Variants in NBPF4 observed in about 807,000 individuals in gnomAD.
The protein encoded by NBPF4 is NBPF family member NBPF4.
In NBPF4, 11 loss-of-function variants were observed where a neutral mutation model predicts 21.1. That is an observed-to-expected ratio of 0.52 (90% confidence interval 0.33 to 0.86). The LOEUF is 0.86. Ranked by LOEUF, NBPF4 falls within the 40% of genes least tolerant of loss-of-function variation. The pLI is 0.03. For synonymous variants in NBPF4, 47 were observed against 106.4 expected (o/e 0.44, Z 3.43); for missense variants, 88 against 265.3 (o/e 0.33, Z 4.64).
At chr1:108,257,970 G>A in the NBPF4 span, among the ~76,000 whole-genome samples, 3 of 139,470 alleles carry the variant, frequency 2.2e-5, 1 homozygote, top group African/African-American at 5.8e-5. Context: ...GGCTGGTCTC[G>A]AACTCCTGAG....
the NBPF4 span, among the ~76,000 whole-genome samples, chr1:108,266,166 A>G: frequency 5.5e-5 from 8 of 144,456 alleles, no homozygotes; most frequent in Non-Finnish European, 8.9e-5. Context: ...AAAAAAAAAA[A>G]GGCAATAAAA....
At chr1:108,256,467 T>C in the NBPF4 span, among the ~76,000 whole-genome samples, 2 of 132,658 alleles carry the variant, frequency 1.5e-5, no homozygotes, top group Non-Finnish European at 3.2e-5. Flanking sequence ...TGTGGGTCTC[T>C]TCCTTCCTTC....
At chr1:108,245,615 ATTAT>A (rs1649825836), upstream of NBPF4, among the ~76,000 whole-genome samples, 1 of 100,774 alleles carries the variant, frequency 9.9e-6, no homozygotes, top group East Asian at 3.0e-4. Flanking sequence ...AATAAAAATA[ATTAT>A]TTATTGACCA....
rs1163085276 is a variant in NBPF4 at position 108,223,628 on chromosome 1, TTG to T, written c.*75_*76del. 16 of 1,288,806 alleles carry T rather than the reference TTG, an allele frequency of 1.2e-5. No homozygotes were observed. Among genetic ancestry groups the T allele is most frequent in the Non-Finnish European group, 1.8e-5 (16 of 902,270 alleles). 79.8% of individuals were successfully genotyped at this position (1,288,806 alleles called of 1,614,324 possible). ...TCCTCAGTGAAGGACCCCTGCAGTA[TTG>T]TGTTTGGACTTAAACTTGCTTTGCT... On this transcript the variant is annotated 3_prime_UTR_variant, in exon 15 of 15. Coordinates refer to ENST00000415641, the MANE Select transcript of NBPF4 (RefSeq NM_001143989.3).
chr1:108,246,229 C>A (rs1415600297), upstream of NBPF4, among the ~76,000 whole-genome samples: 1 of 125,082 alleles, frequency 8.0e-6, no homozygotes, highest in Non-Finnish European at 1.7e-5. Context: ...TTGATCCAGT[C>A]CTCTTCCTTC....
the NBPF4 span, among the ~76,000 whole-genome samples, chr1:108,263,220 AAC>A: frequency 1.5e-5 from 1 of 68,216 alleles, no homozygotes; most frequent in Non-Finnish European, 2.8e-5. Flanking sequence ...GAAGCTGAAA[AAC>A]ACAGCACAAG....
Position 108,229,106 on chromosome 1 carries a change from G to A in NBPF4, c.1474C>T (p.His492Tyr), listed in dbSNP as rs1283148366. 4 of 1,550,974 alleles carry A rather than the reference G, an allele frequency of 2.6e-6. No individual in the cohort carries two copies. The highest frequency in any genetic ancestry group is 2.7e-5 in the African/African-American group (2 of 73,004). Residue 492 changes from histidine to tyrosine, a missense_variant, in exon 13 of 15, where the codon CAC becomes TAC. Physicochemically the swap from His to Tyr is moderately conservative, Grantham distance 83. Transcript: ENST00000415641. ...PQGTWSGDLS[H>Y]HQSEVQVSQA... ...GAAACTTGCACCTCTGACTGGTGGT[G>A]GCTCAAGTCTCCACTCCAAGTCCCT...
chr1:108,245,017 ATCAAGCTCATGG>A, upstream of NBPF4, among the ~76,000 whole-genome samples: 1 of 79,650 alleles, frequency 1.3e-5, no homozygotes, highest in Non-Finnish European at 2.5e-5. Context: ...ACCTGGCAAG[ATCAAGCTCATGG>A]TCACGGGTGG....
At chr1:108,257,506 T>G in the NBPF4 span, among the ~76,000 whole-genome samples, 2 of 150,330 alleles carry the variant, frequency 1.3e-5, no homozygotes, top group African/African-American at 4.9e-5. Context: ...CCACTCTCAT[T>G]CCCAGCCTCT....
chr1:108,244,905 T>TAG (rs1558041605), upstream of NBPF4, among the ~76,000 whole-genome samples: 8 of 22,308 alleles, frequency 3.6e-4, no homozygotes, highest in African/African-American at 1.6e-3. Flanking sequence ...GTTGGAGATA[T>TAG]ATATATATAT....
In NBPF4 at chr1:108,228,979, G is replaced by A; in HGVS notation, c.1601C>T (p.Ser534Phe). 6.5e-7 allele frequency: 1 copy of A among 1,539,714 alleles called. No individual in the cohort carries two copies. ...CGNGLAQRGL[S>F]STTCSFSANA... ...GGCTGAGAAGCTGCAGGTGGTGGAG[G>A]AAAGGCCCCGCTGGGCCAAGCCGTT... The change falls in exon 13 of 15, where the codon TCC becomes TTC. Residue 534 changes from serine (S) to phenylalanine (F), a missense_variant. By Grantham distance (155) the Ser-to-Phe change is radical (BLOSUM62 -2). This residue lies in a region of NBPF4 where 60 missense variants were observed against 86.5 expected (regional missense o/e 0.69). Coordinates refer to ENST00000415641, the MANE Select transcript of NBPF4 (RefSeq NM_001143989.3).
chr1:108,241,337 TATACACACAC>T (rs1368269900), intron 3 of NBPF4, among the ~76,000 whole-genome samples, 173 bp from the exon 4 acceptor site: 6 of 94,456 alleles, frequency 6.4e-5, no homozygotes, highest in Admixed American at 1.3e-4. Context: ...TATATATATA[TATACACACAC>T]ACACACACAC....
chr1:108,266,239 A>C, the NBPF4 span, among the ~76,000 whole-genome samples: 26 of 144,856 alleles, frequency 1.8e-4, no homozygotes, highest in Non-Finnish European at 1.8e-4. Flanking sequence ...ACAATCAGAA[A>C]TGATATGGGG....
At chr1:108,245,319 C>T (rs1175756191), upstream of NBPF4, among the ~76,000 whole-genome samples, 2 of 121,274 alleles carry the variant, frequency 1.6e-5, no homozygotes, top group African/African-American at 3.3e-5. Flanking sequence ...GTGGAAAGCG[C>T]ACCTCTCAGC....
intron 12 of NBPF4, 41 bp from the exon 13 acceptor site, chr1:108,229,197 T>C (rs1323426964): frequency 6.1e-6 from 9 of 1,469,704 alleles, no homozygotes; most frequent in Non-Finnish European, 7.4e-6. Flanking sequence ...ATCTCAGTTT[T>C]CCCTTTGTTA....
At chr1:108,258,597 C>A in the NBPF4 span, among the ~76,000 whole-genome samples, 1 of 136,620 alleles carries the variant, frequency 7.3e-6, no homozygotes, top group Non-Finnish European at 1.6e-5. Context: ...TTACTTGGAG[C>A]TTTATCATCA....
upstream of NBPF4, among the ~76,000 whole-genome samples, chr1:108,246,131 C>T (rs1353114561): frequency 2.2e-4 from 25 of 115,040 alleles, 7 homozygotes; most frequent in Admixed American, 7.2e-4. Flanking sequence ...GATAAATTTA[C>T]AGCCTTTGCT....
the NBPF4 span, among the ~76,000 whole-genome samples, chr1:108,256,526 T>TCCCTCCCCTC: frequency 7.6e-5 from 7 of 92,546 alleles, no homozygotes; most frequent in African/African-American, 3.1e-4. Context: ...TCTCTTTCTC[T>TCCCTCCCCTC]CCCTCCCCTC....
In NBPF4 at chr1:108,222,884, C is replaced by T. The variant is rs564962048; in HGVS notation, c.*821G>A. Among the ~76,000 whole-genome samples, 52 of 152,260 alleles carry T rather than the reference C, an allele frequency of 3.4e-4. No individual in the cohort carries two copies. The highest frequency in any genetic ancestry group is 1.2e-3 in the African/African-American group (51 of 41,564). ...CAGAGCTCCTAGACCCCTCCTTAAC[C>T]AAGTGACCATCCTAGTATCACCGCA... On this transcript the variant is annotated 3_prime_UTR_variant, in exon 15 of 15. Coordinates refer to ENST00000415641, the MANE Select transcript of NBPF4 (RefSeq NM_001143989.3).
Sources: gnomAD v4.1 joint callset for allele counts (sites outside exome capture counted in the v4.1 genomes callset) on GRCh38, gnomAD v4.1.1 for gene constraint, gnomAD v4.1.1 regional missense constraint, MANE v1.5 for transcripts, NCBI Gene and HGNC (gene_info 2026-07-23, HGNC 2026-07-21) for gene names.